HEATR1: variants seen among roughly 807,000 people sequenced by gnomAD.
HEATR1 encodes HEAT repeat-containing protein 1.
HEATR1 carries 77 observed loss-of-function variants against 248.2 expected under a neutral mutation model. That is an observed-to-expected ratio of 0.31 (90% CI 0.26 to 0.37). HEATR1 has a LOEUF of 0.37. HEATR1 is among the 10% of genes least tolerant of loss of function. HEATR1 has a pLI of 1.00. For missense variants in HEATR1, 2,420 were observed against 2,504.9 expected (o/e 0.97, Z 0.72); for synonymous variants, 897 against 923.1 (o/e 0.97, Z 0.51).
At chr1:236,559,551 A>C (rs757538268) in intron 34 of HEATR1, among the ~76,000 whole-genome samples, 163 bp downstream of exon 34, 1 of 152,234 alleles carries the variant, frequency 6.6e-6, no homozygotes, top group African/African-American at 2.4e-5. Context: ...TTTCCAGACA[A>C]ATCTATTTCT....
At chr1:236,568,172 T>C (rs116504517) in intron 29 of HEATR1, among the ~76,000 whole-genome samples, 2,374 of 152,352 alleles carry the variant, frequency 0.016, 15 homozygotes, top group Middle Eastern at 0.075. Context: ...ACAAATTCTA[T>C]TTCTTATAGA....
intron 9 of HEATR1, among the ~76,000 whole-genome samples, chr1:236,592,988 A>G (rs1268749133): frequency 6.6e-6 from 1 of 152,194 alleles, no homozygotes; most frequent in Non-Finnish European, 1.5e-5. Context: ...TGAGGACAGG[A>G]GTTCGAGATC....
chr1:236,561,006 C>G (rs1483183865), intron 33 of HEATR1, among the ~76,000 whole-genome samples: 1 of 152,160 alleles, frequency 6.6e-6, no homozygotes, highest in African/African-American at 2.4e-5. Flanking sequence ...ATAAGAACAT[C>G]TCTTATTCTT....
intron 2 of HEATR1, among the ~76,000 whole-genome samples, chr1:236,603,712 T>C (rs1247842969): frequency 2.0e-5 from 3 of 151,830 alleles, no homozygotes; most frequent in Non-Finnish European, 4.4e-5. Context: ...CTTTGACATA[T>C]TAGTTGACCT....
At chr1:236,603,033 T>C in intron 3 of HEATR1, 127 bp downstream of exon 3, 1 of 653,794 alleles carries the variant, frequency 1.5e-6, no homozygotes, top group Non-Finnish European at 2.7e-6. Context: ...TCTCACACAA[T>C]GGACATTGTA....
intron 13 of HEATR1, 114 bp downstream of exon 13, chr1:236,587,833 AT>A: frequency 1.4e-6 from 1 of 699,930 alleles, no homozygotes; most frequent in Admixed American, 3.1e-5. Context: ...CAGAGAACAA[AT>A]TTCCCATGGA....
At chr1:236,580,015 T>C (rs1250075375) in intron 20 of HEATR1, among the ~76,000 whole-genome samples, 1 of 152,150 alleles carries the variant, frequency 6.6e-6, no homozygotes, top group Non-Finnish European at 1.5e-5. Context: ...CTGATATTAA[T>C]AACATTACAG....
Position 236,553,669 on chromosome 1 carries a change from G to A in HEATR1, c.6149C>T (p.Ala2050Val). The stretch of plus-strand genomic sequence containing the variant: ...ATCCGCCATGGCCACCGAAAACTGT[G>A]CGATGCATGGTATCAGGTGCTTTGT... The part of the protein sequence containing the change: ...RVTKHLIPCI[A>V]QFSVAMADDS... Residue 2050 changes from alanine (A) to valine (V), a missense_variant, in exon 43 of 45, where the codon GCA becomes GTA. By Grantham distance (64) the Ala-to-Val change is moderately conservative (BLOSUM62 0). Coordinates refer to ENST00000366582, the MANE Select transcript of HEATR1 (RefSeq NM_018072.6). 6.2e-7 allele frequency: 1 copy of A among 1,614,056 alleles called. No individual in the cohort carries two copies. Among genetic ancestry groups the A allele is most frequent in the Non-Finnish European group, 8.5e-7 (1 of 1,179,962 alleles).
rs779340277 is a variant in HEATR1, at chr1:236,568,978, G to A, written c.4077+18C>T. On this transcript the variant is annotated intron_variant, in intron 29 of 44. Coordinates refer to ENST00000366582, the MANE Select transcript of HEATR1 (RefSeq NM_018072.6). ...AAATTAAAAAAAGAAACCCCACGAT[G>A]GTATAAAGAGACCTTACCTGAATAA... 4 of 1,498,654 alleles carry A rather than the reference G, an allele frequency of 2.7e-6. No individual in the cohort carries two copies. Among genetic ancestry groups the A allele is most frequent in the East Asian group, 2.5e-5 (1 of 40,188 alleles). The allele number at this position is 1,498,654 out of a possible 1,614,324, so 92.8% of individuals were successfully genotyped here.
At chr1:236,557,654 C>A (rs1278284734) in intron 36 of HEATR1, among the ~76,000 whole-genome samples, 1 of 152,240 alleles carries the variant, frequency 6.6e-6, no homozygotes, top group Non-Finnish European at 1.5e-5. Context: ...GAGGTAGATA[C>A]TGTCTCTGTT....
rs764752144 is a variant in HEATR1, at chr1:236,566,887, G to C, written c.4078-11C>G. 5 of 1,575,274 alleles carry C rather than the reference G, an allele frequency of 3.2e-6. No individual in the cohort carries two copies. The highest frequency in any genetic ancestry group is 4.4e-6 in the Non-Finnish European group (5 of 1,144,820). ...ATCTCCACTATCAGACTGCAAAACAGCAAGCAGAGACAATGAGTAGGTGCA... is the reference window on the plus strand; with the variant it reads ...ATCTCCACTATCAGACTGCAAAACACCAAGCAGAGACAATGAGTAGGTGCA... On this transcript the variant is annotated splice_polypyrimidine_tract_variant and intron_variant, in intron 29 of 44. Transcript: ENST00000366582.
intron 35 of HEATR1, among the ~76,000 whole-genome samples, chr1:236,558,764 T>C (rs968709611): frequency 6.6e-6 from 1 of 152,218 alleles, no homozygotes; most frequent in Admixed American, 6.5e-5. Context: ...ACGTAAGCTC[T>C]GTAGTAAGCA....
intron 2 of HEATR1, 42 bp downstream of exon 2, chr1:236,603,912 C>T: frequency 6.4e-7 from 1 of 1,558,110 alleles, no homozygotes; most frequent in Non-Finnish European, 8.6e-7. Context: ...ATCCAGAAAA[C>T]AAACGCTTCC....
At chr1:236,557,860 A>T (rs1482319382) in intron 36 of HEATR1, among the ~76,000 whole-genome samples, 1 of 152,240 alleles carries the variant, frequency 6.6e-6, no homozygotes, top group East Asian at 1.9e-4. Context: ...GGAAGAATGG[A>T]GGACGATTAA....
At chr1:236,575,959 G>C (rs1173703802) in intron 22 of HEATR1, among the ~76,000 whole-genome samples, 1 of 152,126 alleles carries the variant, frequency 6.6e-6, no homozygotes, top group Non-Finnish European at 1.5e-5. Flanking sequence ...AGACTGTTAA[G>C]TTCATTTAAA....
At position 236,550,826 on chromosome 1, in the gene HEATR1, G is replaced by T; in HGVS notation, c.*76C>A. Reference sequence around the variant, plus strand: ...GTATTAAGGCACCAAAAGTAACATGGCACCCAACACCCAAAAATAAAAATA... The same window carrying T: ...GTATTAAGGCACCAAAAGTAACATGTCACCCAACACCCAAAAATAAAAATA... On this transcript the variant is annotated 3_prime_UTR_variant, in exon 45 of 45. Transcript: ENST00000366582. 8.9e-7 allele frequency: 1 copy of T among 1,122,750 alleles called. No individual in the cohort carries two copies. Among genetic ancestry groups the T allele is most frequent in the Non-Finnish European group, 1.3e-6 (1 of 775,032 alleles). 69.5% of individuals were successfully genotyped at this position (1,122,750 alleles called of 1,614,324 possible).
intron 9 of HEATR1, among the ~76,000 whole-genome samples, chr1:236,593,324 G>C (rs1313521909): frequency 6.6e-6 from 1 of 152,054 alleles, no homozygotes; most frequent in East Asian, 1.9e-4. Flanking sequence ...TTAAGCCCCA[G>C]TCTGATTCTA....
intron 6 of HEATR1, 116 bp downstream of exon 6, chr1:236,596,720 G>A (rs74147507): frequency 0.02 from 20,401 of 996,160 alleles, 275 homozygotes; most frequent in Middle Eastern, 0.045. Context: ...CTAAATCTCA[G>A]CTATCATCTG....
intron 16 of HEATR1, 104 bp from the exon 17 acceptor site, chr1:236,585,320 A>G (rs1302748259): frequency 1.1e-6 from 1 of 895,794 alleles, no homozygotes; most frequent in African/African-American, 1.7e-5. Flanking sequence ...ATTTAAAGTG[A>G]GATGACAAAC....
Sources: gnomAD v4.1 joint callset for allele counts (sites outside exome capture counted in the v4.1 genomes callset) on GRCh38, gnomAD v4.1.1 for gene constraint, MANE v1.5 for transcripts, NCBI Gene and HGNC (gene_info 2026-07-23, HGNC 2026-07-21) for gene names.